The following PIGU variants were observed in gnomAD, a reference collection of about 807,000 sequenced individuals.
PIGU encodes phosphatidylinositol glycan anchor biosynthesis class U, also known as GPI-anchor transamidase component PIGU.
A neutral mutation model predicts 49.9 loss-of-function variants in PIGU; 24 were observed. The observed-to-expected ratio is 0.48, with a 90% confidence interval of 0.35 to 0.68. PIGU has a LOEUF of 0.68. PIGU is among the 30% of genes least tolerant of loss of function. The probability of loss-of-function intolerance (pLI) is 0.01; values close to 1 mark genes in which losing one functional copy is unlikely to be tolerated. For missense variants in PIGU, 490 were observed against 532.6 expected (o/e 0.92, Z 0.79); for synonymous variants, 220 against 205.7 (o/e 1.07, Z -0.59).
chr20:34,620,328 G>A (rs1224414954), intron 6 of PIGU, among the ~76,000 whole-genome samples: 3 of 152,084 alleles, frequency 2.0e-5, no homozygotes, highest in Non-Finnish European at 4.4e-5. Context: ...TCTGTTCTTA[G>A]GCTATTCCTT....
intron 11 of PIGU, among the ~76,000 whole-genome samples, chr20:34,568,114 C>T (rs1982852690): frequency 6.6e-6 from 1 of 152,204 alleles, no homozygotes; most frequent in Non-Finnish European, 1.5e-5. Flanking sequence ...AATAAATTAG[C>T]TTCCCAGGAG....
chr20:34,599,011 AT>A (rs1242020276), intron 7 of PIGU, among the ~76,000 whole-genome samples: 2 of 152,024 alleles, frequency 1.3e-5, no homozygotes, highest in East Asian at 1.9e-4. Flanking sequence ...TGCCTGGCTA[AT>A]TTTTTCATTT....
chr20:34,631,777 ATATATATATTTTTTTTTTTTTTTTTTTTT>A (rs1985777942), intron 6 of PIGU, among the ~76,000 whole-genome samples: 1 of 2,582 alleles, frequency 3.9e-4, no homozygotes, highest in Non-Finnish European at 6.0e-4. Context: ...ATATATATAT[ATATATATATTTTTTTTTTTTTTTTTTTTT>A]TTTTTTTTTT....
At chr20:34,585,610 A>G in intron 8 of PIGU, 30 bp from the exon 9 acceptor site, 1 of 1,606,110 alleles carries the variant, frequency 6.2e-7, no homozygotes, top group South Asian at 1.1e-5. Context: ...GGGAGAGAAA[A>G]AAGACAAAAG....
At chr20:34,632,672 A>T (rs1844634421) in intron 6 of PIGU, among the ~76,000 whole-genome samples, 2 of 152,006 alleles carry the variant, frequency 1.3e-5, no homozygotes, top group African/African-American at 4.8e-5. Flanking sequence ...GCCTTCATAC[A>T]CCCTTTCTTA....
At chr20:34,569,279 G>A (rs1218208958) in intron 11 of PIGU, among the ~76,000 whole-genome samples, 1 of 152,166 alleles carries the variant, frequency 6.6e-6, no homozygotes, top group Non-Finnish European at 1.5e-5. Context: ...ACCCAGGATG[G>A]AGTGTAGTGG....
chr20:34,618,416 G>A (rs968270408), intron 6 of PIGU, among the ~76,000 whole-genome samples: 2 of 152,156 alleles, frequency 1.3e-5, no homozygotes, highest in African/African-American at 4.8e-5. Context: ...AGCCCAACAG[G>A]TGTCTTGTAA....
At chr20:34,573,594 C>A (rs2146697956) in intron 11 of PIGU, among the ~76,000 whole-genome samples, 1 of 152,356 alleles carries the variant, frequency 6.6e-6, no homozygotes, top group South Asian at 2.1e-4. Context: ...GCCAACCTCC[C>A]TAGAGGCCCA....
intron 5 of PIGU, among the ~76,000 whole-genome samples, chr20:34,637,448 ATC>A (rs894121978): frequency 1.3e-5 from 2 of 152,188 alleles, no homozygotes; most frequent in East Asian, 1.9e-4. Context: ...GCTGGAATGC[ATC>A]TGTTTGGCAC....
chr20:34,664,235 C>A (rs982848188), intron 1 of PIGU, among the ~76,000 whole-genome samples: 3 of 152,160 alleles, frequency 2.0e-5, no homozygotes, highest in African/African-American at 7.2e-5. Context: ...ATCGCAGCCT[C>A]AACCTTCCAG....
chr20:34,651,101 T>C (rs908948339), intron 2 of PIGU, among the ~76,000 whole-genome samples: 1 of 152,194 alleles, frequency 6.6e-6, no homozygotes, highest in African/African-American at 2.4e-5. Flanking sequence ...CTGGAAAAGA[T>C]TTCTTTAAGC....
intron 11 of PIGU, among the ~76,000 whole-genome samples, chr20:34,568,865 A>T (rs531293328): frequency 1.3e-5 from 2 of 152,302 alleles, no homozygotes; most frequent in South Asian, 4.1e-4. Flanking sequence ...CATGGCAAAT[A>T]GGCAGTGGCT....
intron 11 of PIGU, among the ~76,000 whole-genome samples, chr20:34,565,510 T>G (rs1427726396): frequency 6.6e-6 from 1 of 151,932 alleles, no homozygotes; most frequent in African/African-American, 2.4e-5. Flanking sequence ...TCCGCCCACC[T>G]CAGCCTCCCA....
At chr20:34,670,349 C>G (rs1406900915) in intron 1 of PIGU, among the ~76,000 whole-genome samples, 4 of 151,862 alleles carry the variant, frequency 2.6e-5, no homozygotes. Context: ...GCCACCACAC[C>G]CAGCTAATTT....
At chr20:34,628,212 G>A (rs766223624) in intron 6 of PIGU, among the ~76,000 whole-genome samples, 2 of 152,128 alleles carry the variant, frequency 1.3e-5, no homozygotes, top group Non-Finnish European at 2.9e-5. Context: ...ACTGGGTGTG[G>A]TGGTTCATGC....
intron 10 of PIGU, among the ~76,000 whole-genome samples, chr20:34,578,053 T>C (rs1176999959): frequency 2.0e-5 from 3 of 152,196 alleles, no homozygotes; most frequent in Non-Finnish European, 4.4e-5. Flanking sequence ...AGTCCTTCAT[T>C]TTATAACATG....
At chr20:34,636,837 G>A (rs1040830192) in intron 5 of PIGU, among the ~76,000 whole-genome samples, 9 of 152,124 alleles carry the variant, frequency 5.9e-5, no homozygotes, top group African/African-American at 2.2e-4. Flanking sequence ...ACAGCCAAAG[G>A]CCTAGAAATT....
rs10639203 is a variant in PIGU at position 34,642,652 on chromosome 20, C to CATAT, written c.318+1508_318+1511dup. On this transcript the variant is annotated intron_variant, in intron 4 of 11. Transcript: ENST00000217446. The stretch of plus-strand genomic sequence containing the variant: ...ATCTATATCACACATATATATATCT[C>CATAT]ATATATATATATATATATATATATG... Among the ~76,000 whole-genome samples, 1,215 of 131,404 alleles carry CATAT rather than the reference C, an allele frequency of 9.2e-3. 12 individuals carry two copies. The highest frequency in any genetic ancestry group is 0.018 in the African/African-American group (632 of 35,530). 86.2% of individuals were successfully genotyped at this position (131,404 alleles called of 152,430 possible).
chr20:34,619,784 A>G (rs2146744774), intron 6 of PIGU, among the ~76,000 whole-genome samples: 1 of 152,362 alleles, frequency 6.6e-6, no homozygotes, highest in South Asian at 2.1e-4. Flanking sequence ...ACTTGCTCCT[A>G]GGATCAGGAA....
Sources: gnomAD v4.1 joint callset for allele counts (sites outside exome capture counted in the v4.1 genomes callset) on GRCh38, gnomAD v4.1.1 for gene constraint, MANE v1.5 for transcripts, NCBI Gene and HGNC (gene_info 2026-07-23, HGNC 2026-07-21) for gene names.